Variants in CDH3 observed in about 807,000 individuals in gnomAD.
CDH3 encodes cadherin-3.
In CDH3, 54 loss-of-function variants were observed where a neutral mutation model predicts 82.0. The observed-to-expected ratio is 0.66, with a 90% CI of 0.53 to 0.83. The LOEUF (loss-of-function observed/expected upper bound fraction) is 0.83, where lower values mean the gene tolerates loss of function less well. Ranked by LOEUF, CDH3 falls within the 40% of genes least tolerant of loss-of-function variation. The probability of loss-of-function intolerance (pLI) is 0.00; values close to 1 mark genes in which losing one functional copy is unlikely to be tolerated. For missense variants in CDH3, 1,054 were observed against 1,084.6 expected (o/e 0.97, Z 0.40); for synonymous variants, 446 against 437.9 (o/e 1.02, Z -0.23).
chr16:68,667,449 T>G (rs936672131), intron 2 of CDH3, among the ~76,000 whole-genome samples: 1 of 152,182 alleles, frequency 6.6e-6, no homozygotes, highest in African/African-American at 2.4e-5. Context: ...AGTGATCACT[T>G]GATGGACATT....
chr16:68,674,120 C>G (rs774446476), intron 2 of CDH3, among the ~76,000 whole-genome samples: 1 of 152,180 alleles, frequency 6.6e-6, no homozygotes, highest in Non-Finnish European at 1.5e-5. Context: ...CTGTTTTCCA[C>G]AGTGGCTGCA....
chr16:68,704,525 C>T (rs1421405613), downstream of CDH3, among the ~76,000 whole-genome samples: 1 of 152,204 alleles, frequency 6.6e-6, no homozygotes, highest in Non-Finnish European at 1.5e-5. Context: ...CAGCAGAGGG[C>T]ACCATTCACT....
intron 9 of CDH3, among the ~76,000 whole-genome samples, chr16:68,683,177 G>C (rs1399033009): frequency 2.0e-5 from 3 of 152,034 alleles, no homozygotes; most frequent in South Asian, 2.1e-4. Flanking sequence ...TGAGAAGCAG[G>C]GTATAAAATA....
In CDH3 at chr16:68,682,506, C is replaced by T. The variant is rs778569616; in HGVS notation, c.1182+19C>T. ...CAGGAAGGTGAGTCAGTTCGGGCCT[C>T]AGACAATGGCTATACCTGGGGCAGT... On this transcript the variant is annotated intron_variant, in intron 9 of 15. Coordinates refer to ENST00000264012, the MANE Select transcript of CDH3 (RefSeq NM_001793.6). 8.1e-6 allele frequency: 13 copies of T among 1,612,556 alleles called. No individual in the cohort carries two copies. The highest frequency in any genetic ancestry group is 1.0e-5 in the Non-Finnish European group (12 of 1,178,844).
chr16:68,711,835 A>G (rs937979700), intron 1 of CDH3, among the ~76,000 whole-genome samples: 3 of 151,966 alleles, frequency 2.0e-5, no homozygotes, highest in African/African-American at 7.3e-5. Flanking sequence ...TCAGTATCGG[A>G]CAGTGGAGTG....
chr16:68,696,295 T>C (rs1961720165), intron 15 of CDH3: 6 of 345,648 alleles, frequency 1.7e-5, no homozygotes, highest in South Asian at 9.2e-5. Flanking sequence ...GGCGGGCACC[T>C]GTAGTCCCAG....
intron 2 of CDH3, among the ~76,000 whole-genome samples, chr16:68,672,064 C>T (rs897086468): frequency 2.0e-5 from 3 of 151,758 alleles, no homozygotes; most frequent in African/African-American, 2.4e-5. Context: ...AGGTGGCGGG[C>T]GCCTGTAGTC....
chr16:68,704,411 G>C (rs928048795), downstream of CDH3, among the ~76,000 whole-genome samples: 1 of 152,070 alleles, frequency 6.6e-6, no homozygotes, highest in African/African-American at 2.4e-5. Flanking sequence ...GCGCTCCCTT[G>C]GTGGAAACTG....
chr16:68,721,400 A>AT (rs1962163278), intron 1 of CDH3, among the ~76,000 whole-genome samples: 1 of 151,544 alleles, frequency 6.6e-6, no homozygotes, highest in African/African-American at 2.4e-5. Flanking sequence ...GGTCTGGCTA[A>AT]TTTTTGTATT....
intron 2 of CDH3, among the ~76,000 whole-genome samples, chr16:68,650,442 C>T (rs1234092988): frequency 6.6e-6 from 1 of 152,138 alleles, no homozygotes; most frequent in African/African-American, 2.4e-5. Context: ...GTAACTGGTA[C>T]AGGCATGCGC....
At chr16:68,696,747 C>T (rs930749266) in intron 15 of CDH3, 23 of 152,696 alleles carry the variant, frequency 1.5e-4, no homozygotes, top group African/African-American at 4.3e-4. Flanking sequence ...AAACAAGAGA[C>T]ATCCACCAGG....
At chr16:68,663,266 C>A (rs1960644148) in intron 2 of CDH3, among the ~76,000 whole-genome samples, 1 of 150,948 alleles carries the variant, frequency 6.6e-6, no homozygotes, top group African/African-American at 2.4e-5. Context: ...GCTCAGTCAC[C>A]CAGGCTGGAG....
intron 2 of CDH3, among the ~76,000 whole-genome samples, chr16:68,670,541 C>G (rs946018483): frequency 6.6e-6 from 1 of 152,152 alleles, no homozygotes; most frequent in Non-Finnish European, 1.5e-5. Flanking sequence ...CCTGTAACCT[C>G]GACCTCCTGG....
Position 68,687,631 on chromosome 16 carries a change from G to C in CDH3, c.1690G>C (p.Val564Leu), listed in dbSNP as rs144030414. The C allele has an allele frequency of 1.2e-6, 2 of 1,614,050 alleles. No homozygotes were observed. The highest frequency in any genetic ancestry group is 1.7e-6 in the Non-Finnish European group (2 of 1,179,996). ...TICNQSPVRQ[V>L]LNITDKDLSP... is the part of the protein sequence containing the mutation. ...CTGCAACCAAAGCCCTGTGCGCCAG[G>C]TGCTGAACATCACGGACAAGGACCT... is the stretch of plus-strand genomic sequence containing the variant. Residue 564 changes from valine to leucine, a missense_variant, in exon 12 of 16, where the codon GTG (valine) becomes CTG (leucine). By Grantham distance (32) the Val-to-Leu change is conservative. Coordinates refer to ENST00000264012, the MANE Select transcript of CDH3 (RefSeq NM_001793.6).
chr16:68,685,260 C>G lies in CDH3; in HGVS notation c.1480C>G (p.Gln494Glu). The G allele has an allele frequency of 6.2e-7, 1 of 1,614,092 alleles. No homozygotes were observed. The highest frequency in any genetic ancestry group is 8.5e-7 in the Non-Finnish European group (1 of 1,179,980). ...GWLAMDPDSG[Q>E]VTAVGTLDRE... ...GCTAGCCATGGACCCAGACAGTGGG[C>G]AGGTCACAGCTGTGGGCACCCTCGA... The change falls in exon 11 of 16, where the codon CAG becomes GAG. Residue 494 changes from glutamine (Q) to glutamate (E), a missense_variant. Physicochemically the swap from Gln to Glu is conservative, Grantham distance 29. Coordinates refer to ENST00000264012, the MANE Select transcript of CDH3 (RefSeq NM_001793.6).
At chr16:68,715,406 G>A (rs28492986) in intron 1 of CDH3, among the ~76,000 whole-genome samples, 5,000 of 136,272 alleles carry the variant, frequency 0.037, 267 homozygotes, top group African/African-American at 0.12. Flanking sequence ...CAGCCTGGGC[G>A]ACAGAGCACG....
chr16:68,696,676 C>T (rs1455695481), intron 15 of CDH3: 1 of 154,574 alleles, frequency 6.5e-6, no homozygotes, highest in Non-Finnish European at 1.4e-5. Context: ...GAGAGAGCGT[C>T]ACTCTAAGAT....
At chr16:68,724,548 G>A (rs1385530067) in intron 2 of CDH3, among the ~76,000 whole-genome samples, 12 of 151,724 alleles carry the variant, frequency 7.9e-5, no homozygotes, top group Non-Finnish European at 1.2e-4. Flanking sequence ...AATCACTTGG[G>A]CCCAGGAGTT....
intron 2 of CDH3, among the ~76,000 whole-genome samples, chr16:68,673,505 C>T (rs1297028258): frequency 6.7e-6 from 1 of 149,332 alleles, no homozygotes; most frequent in African/African-American, 2.5e-5. Context: ...AAGGGTCTTG[C>T]TGGAGTACAG....
Sources: gnomAD v4.1 joint callset for allele counts (sites outside exome capture counted in the v4.1 genomes callset) on GRCh38, gnomAD v4.1.1 for gene constraint, MANE v1.5 for transcripts, NCBI Gene and HGNC (gene_info 2026-07-23, HGNC 2026-07-21) for gene names.